Variants in LTN1 observed in about 807,000 individuals in gnomAD.
LTN1 encodes the protein E3 ubiquitin-protein ligase listerin.
A neutral mutation model predicts 201.2 loss-of-function variants in LTN1; 88 were observed. The observed-to-expected ratio is 0.44, with a 90% CI of 0.37 to 0.52. The LOEUF (loss-of-function observed/expected upper bound fraction) is 0.52, where lower values mean the gene tolerates loss of function less well. Among genes scored for constraint, LTN1 ranks in the 20% least tolerant of loss-of-function variants. LTN1 has a pLI of 0.00. For synonymous variants in LTN1, 645 were observed against 713.5 expected (o/e 0.90, Z 1.53); for missense variants, 1,752 against 2,038.7 (o/e 0.86, Z 2.71).
At chr21:28,944,035 A>G (rs2084317976) in intron 22 of LTN1, 131 bp from the exon 23 acceptor site, 1 of 655,086 alleles carries the variant, frequency 1.5e-6, no homozygotes, top group African/African-American at 1.8e-5. Context: ...AGCAGTCTTA[A>G]CTAGAAACAT....
chr21:28,984,573 G>T, intron 4 of LTN1, 119 bp downstream of exon 4: 2 of 623,820 alleles, frequency 3.2e-6, no homozygotes, highest in East Asian at 2.9e-5. Flanking sequence ...GCAACCTTCA[G>T]TTGGAAATAC....
In LTN1 at chr21:28,986,786, TCAGAATCTACAAGA is replaced by T; in HGVS notation, c.177_190del (p.Ser59ArgfsTer53). 6.2e-7 allele frequency: 1 copy of T among 1,614,152 alleles called. No homozygotes were observed. The highest frequency in any genetic ancestry group is 8.5e-7 in the Non-Finnish European group (1 of 1,179,998). Reference sequence around the variant, plus strand: ...AAGTTTCCGCAGCACCATTCGGAAATCAGAATCTACAAGACTGTCAATTTCTTCAGCTCCTTGAA... The same window carrying T: ...AAGTTTCCGCAGCACCATTCGGAAATCTGTCAATTTCTTCAGCTCCTTGAA... On this transcript the variant is annotated frameshift_variant, in exon 2 of 30. Transcript: ENST00000361371. LOFTEE classifies it high-confidence loss of function. This position sits in a 1 kb window ranked among gnomAD's most constrained non-coding sequence, Gnocchi z 4.1.
At chr21:28,940,097 A>G (rs186097904) in intron 25 of LTN1, among the ~76,000 whole-genome samples, 19 of 152,366 alleles carry the variant, frequency 1.2e-4, no homozygotes, top group African/African-American at 4.3e-4. Flanking sequence ...CTAAATGATA[A>G]ACTAAATCTT....
At chr21:28,955,116 A>G (rs1166545216) in intron 16 of LTN1, among the ~76,000 whole-genome samples, 3 of 152,178 alleles carry the variant, frequency 2.0e-5, no homozygotes, top group Admixed American at 6.5e-5. Context: ...CATGCTCAAT[A>G]TTAGTAATCA....
chr21:28,987,085 C>G, intron 1 of LTN1, 151 bp from the exon 2 acceptor site: 1 of 599,538 alleles, frequency 1.7e-6, no homozygotes, highest in African/African-American at 1.9e-5. Context: ...CAAAGTTCCC[C>G]AAAGATTAAT....
rs183338368 is a variant in LTN1, at chr21:28,942,143, C to A, written c.4296-737G>T. Among the ~76,000 whole-genome samples, 651 of 152,264 alleles carry A rather than the reference C, an allele frequency of 4.3e-3. 2 individuals are homozygous for A. The highest frequency in any genetic ancestry group is 0.015 in the African/African-American group (610 of 41,546). ...CTTGTGGCTTCCTTCTCCCAGCCCA[C>A]AAGTACAGGCCTTCTCCAAACTTCT... On this transcript the variant is annotated intron_variant, in intron 24 of 29. Transcript: ENST00000361371.
At chr21:28,992,035 C>T (rs898496860) in intron 1 of LTN1, among the ~76,000 whole-genome samples, 3 of 152,150 alleles carry the variant, frequency 2.0e-5, no homozygotes, top group African/African-American at 7.2e-5. Context: ...ATACTTACGT[C>T]CTAGTGAACC....
In LTN1 at chr21:28,992,853, G is replaced by A. The variant is rs1483446578; in HGVS notation, c.-48C>T. 3 of 1,613,948 alleles carry A rather than the reference G, an allele frequency of 1.9e-6. No individual in the cohort carries two copies. ...TGAGCACTCAGACCCCGGTTGACAC[G>A]TCCGGGACACAACTTCCGGCTTCTG... On this transcript the variant is annotated 5_prime_UTR_variant, in exon 1 of 30. In the 5' UTR this introduces an upstream ATG that the reference lacks. Coordinates refer to ENST00000361371, the MANE Select transcript of LTN1 (RefSeq NM_015565.3).
intron 6 of LTN1, among the ~76,000 whole-genome samples, chr21:28,977,821 G>A (rs937550483): frequency 6.6e-6 from 1 of 152,132 alleles, no homozygotes; most frequent in African/African-American, 2.4e-5. Flanking sequence ...CAAGCTACTC[G>A]GGAGGCTAAG....
chr21:28,941,492 T>C, intron 24 of LTN1, 86 bp from the exon 25 acceptor site: 3 of 1,125,454 alleles, frequency 2.7e-6, no homozygotes, highest in East Asian at 5.2e-5. Flanking sequence ...TCAAGCATTT[T>C]AGAAAAATTT....
Position 28,957,420 on chromosome 21 carries a change from TC to T in LTN1, c.2803del (p.Glu935LysfsTer13). ...ATAAACTCCCATAAGATAAGAATCTTCACTCTCTAGAAGTGTATTTAGCAAA... is the reference window on the plus strand; with the variant it reads ...ATAAACTCCCATAAGATAAGAATCTTACTCTCTAGAAGTGTATTTAGCAAA... The part of the protein sequence containing the change: ...DDLLNTLLES[E>X]DSYLMGVYIG... On this transcript the variant is annotated frameshift_variant, in exon 15 of 30. Transcript: ENST00000361371. LOFTEE classifies it high-confidence loss of function. The T allele has an allele frequency of 6.2e-7, 1 of 1,606,538 alleles. No individual in the cohort carries two copies. The highest frequency in any genetic ancestry group is 8.5e-7 in the Non-Finnish European group (1 of 1,177,632).
chr21:28,941,577 A>G (rs2084298160), intron 24 of LTN1, among the ~76,000 whole-genome samples, 171 bp from the exon 25 acceptor site: 1 of 152,220 alleles, frequency 6.6e-6, no homozygotes, highest in South Asian at 2.1e-4. Context: ...ACATAACAGT[A>G]AAATAAAAAA....
chr21:28,954,782 T>A (rs1289430711), intron 16 of LTN1, among the ~76,000 whole-genome samples: 1 of 152,162 alleles, frequency 6.6e-6, no homozygotes, highest in Non-Finnish European at 1.5e-5. Flanking sequence ...TCTAAAAAGA[T>A]CAACTCAAAA....
intron 9 of LTN1, 128 bp downstream of exon 9, chr21:28,969,338 A>G: frequency 1.4e-6 from 1 of 709,058 alleles, no homozygotes; most frequent in Non-Finnish European, 2.2e-6. Context: ...ACATCACTCA[A>G]TTGGTAAATT....
intron 18 of LTN1, among the ~76,000 whole-genome samples, chr21:28,949,791 A>G (rs913317482): frequency 1.8e-4 from 28 of 152,040 alleles, no homozygotes; most frequent in Non-Finnish European, 1.0e-4. Context: ...AATCAAATAT[A>G]TATATATTTA....
At chr21:28,954,686 G>A (rs982944050) in intron 16 of LTN1, among the ~76,000 whole-genome samples, 3 of 152,172 alleles carry the variant, frequency 2.0e-5, no homozygotes, top group African/African-American at 7.2e-5. Flanking sequence ...ATATATTGGG[G>A]AAAGGACATC....
chr21:28,961,306 T>C (rs1219615409), intron 11 of LTN1: 1 of 153,024 alleles, frequency 6.5e-6, no homozygotes, highest in African/African-American at 2.4e-5. Flanking sequence ...TGTATAATAA[T>C]GGTAAATTAC....
chr21:28,963,797 T>G (rs1226661880), intron 11 of LTN1, among the ~76,000 whole-genome samples: 1 of 152,234 alleles, frequency 6.6e-6, no homozygotes, highest in African/African-American at 2.4e-5. Flanking sequence ...AAGACATTCA[T>G]GAACCATGGG....
chr21:28,946,277 T>A lies in LTN1; in HGVS notation c.3498A>T (p.Gly1166=), dbSNP rs1191085101. Residue 1166 remains glycine (G), a synonymous_variant, in exon 20 of 30, where the codon GGA becomes GGT. Coordinates refer to ENST00000361371, the MANE Select transcript of LTN1 (RefSeq NM_015565.3). ...GACAAGAATTGAAAATGGCAAGATG[T>A]CCAAAACCTCCTAAAGTAAAATTCA... is the stretch of plus-strand genomic sequence containing the variant. ...KDLCSTNGGF[G]HLAIFNSCLQ... 16 of 1,564,124 alleles carry A rather than the reference T, an allele frequency of 1.0e-5. No individual in the cohort carries two copies. The highest frequency in any genetic ancestry group is 1.4e-5 in the Non-Finnish European group (16 of 1,162,208).
Sources: allele counts gnomAD v4.1 joint callset (sites outside exome capture counted in the v4.1 genomes callset), GRCh38; gene constraint gnomAD v4.1.1; non-coding constraint Gnocchi (gnomAD v3.1); transcripts MANE v1.5; gene names NCBI Gene and HGNC (gene_info 2026-07-23, HGNC 2026-07-21).